Variants in HS6ST2 observed in about 807,000 individuals in gnomAD.
The protein encoded by HS6ST2 is heparan-sulfate 6-O-sulfotransferase 2.
HS6ST2 carries 17 observed loss-of-function variants against 33.0 expected under a neutral mutation model. The observed-to-expected ratio is 0.52, with a 90% CI of 0.35 to 0.77. The LOEUF is 0.77. Among genes scored for constraint, HS6ST2 ranks in the 30% least tolerant of loss-of-function variants. The pLI, the probability that HS6ST2 is intolerant of heterozygous loss-of-function variation, is 0.01. For missense variants in HS6ST2, 519 were observed against 551.7 expected (o/e 0.94, Z 0.59); for synonymous variants, 248 against 237.1 (o/e 1.05, Z -0.42).
intron 2 of HS6ST2, among the ~76,000 whole-genome samples, chrX:132,729,249 G>A (rs1228834635): frequency 2.7e-5 from 3 of 112,303 alleles, no homozygotes; most frequent in Admixed American, 9.4e-5. Flanking sequence ...TTTAGAAGCA[G>A]ACTCCTTTTT....
chrX:132,844,935 TATTCATCACTGGAAAACTGGAG>T (rs2065738070), intron 2 of HS6ST2, among the ~76,000 whole-genome samples: 1 of 109,684 alleles, frequency 9.1e-6, no homozygotes, highest in Admixed American at 9.8e-5. Flanking sequence ...TTTCCAACTT[TATTCATCACTGGAAAACTGGAG>T]TTTTCCAGTG....
At chrX:132,833,956 T>C (rs1038211439) in intron 2 of HS6ST2, among the ~76,000 whole-genome samples, 2 of 110,699 alleles carry the variant, frequency 1.8e-5, no homozygotes, top group African/African-American at 6.6e-5. Flanking sequence ...ACTGAGCATT[T>C]ACATGCTGTT....
chrX:132,836,656 C>T (rs1186299844), intron 2 of HS6ST2, among the ~76,000 whole-genome samples: 1 of 112,905 alleles, frequency 8.9e-6, no homozygotes, highest in Non-Finnish European at 1.9e-5. Flanking sequence ...CAGTAAATTG[C>T]TTGAAGGAAG....
intron 4 of HS6ST2, among the ~76,000 whole-genome samples, chrX:132,643,509 A>G (rs754157379): frequency 1.8e-5 from 2 of 112,188 alleles, no homozygotes; most frequent in South Asian, 7.6e-4. Flanking sequence ...TTCATAGAGT[A>G]GATGGTTTGG....
intron 4 of HS6ST2, among the ~76,000 whole-genome samples, chrX:132,656,542 G>C (rs1490862737): frequency 9.0e-6 from 1 of 111,492 alleles, no homozygotes; most frequent in East Asian, 2.8e-4. Context: ...TGAGATTTTA[G>C]TGCACCCATC....
chrX:132,637,875 AAT>A (rs1491329153), intron 4 of HS6ST2, among the ~76,000 whole-genome samples: 610 of 37,015 alleles, frequency 0.016, 13 homozygotes, highest in African/African-American at 0.06. Context: ...TATTATATAT[AAT>A]ATATATATAA....
chrX:132,740,427 A>C (rs1165549046), intron 2 of HS6ST2, among the ~76,000 whole-genome samples: 2 of 111,556 alleles, frequency 1.8e-5, no homozygotes, highest in Admixed American at 9.6e-5. Flanking sequence ...GAACCCCATC[A>C]GTTCCTAGAG....
At chrX:132,772,550 TA>T (rs1252682832) in intron 2 of HS6ST2, among the ~76,000 whole-genome samples, 6 of 104,831 alleles carry the variant, frequency 5.7e-5, no homozygotes, top group African/African-American at 2.0e-4. Context: ...TTGTATGCAA[TA>T]TAATTATATT....
At chrX:132,914,169 C>T (rs2066562689) in intron 2 of HS6ST2, among the ~76,000 whole-genome samples, 1 of 112,465 alleles carries the variant, frequency 8.9e-6, no homozygotes, top group Admixed American at 9.4e-5. Flanking sequence ...TCTGTTTAAC[C>T]CATTCTGCTC....
intron 2 of HS6ST2, among the ~76,000 whole-genome samples, chrX:132,779,293 G>T (rs1248646260): frequency 8.9e-6 from 1 of 111,931 alleles, no homozygotes; most frequent in Admixed American, 9.5e-5. Flanking sequence ...TCTAGTAAGT[G>T]AAGCTGCTCT....
intron 2 of HS6ST2, among the ~76,000 whole-genome samples, chrX:132,908,836 C>T (rs1271749996): frequency 9.1e-6 from 1 of 109,962 alleles, no homozygotes; most frequent in Non-Finnish European, 1.9e-5. Context: ...ATACTAAAAA[C>T]CACTGAATTT....
chrX:132,935,920 A>G (rs2148490575), intron 2 of HS6ST2, among the ~76,000 whole-genome samples: 1 of 109,590 alleles, frequency 9.1e-6, no homozygotes, highest in African/African-American at 3.3e-5. Context: ...AATCACTAAT[A>G]TAACTTTATA....
At chrX:132,945,961 G>A (rs2066949541) in intron 2 of HS6ST2, among the ~76,000 whole-genome samples, 1 of 110,901 alleles carries the variant, frequency 9.0e-6, no homozygotes. Context: ...TAACAAACCT[G>A]CACGTTGTGC....
intron 2 of HS6ST2, among the ~76,000 whole-genome samples, chrX:132,795,914 C>G (rs2065174065): frequency 9.0e-6 from 1 of 111,684 alleles, no homozygotes; most frequent in African/African-American, 3.3e-5. Context: ...CAGCCTCAGA[C>G]AGAACTTTAA....
intron 2 of HS6ST2, among the ~76,000 whole-genome samples, chrX:132,741,041 A>G (rs1312061834): frequency 8.9e-6 from 1 of 111,803 alleles, no homozygotes; most frequent in Non-Finnish European, 1.9e-5. Flanking sequence ...AAAAGGCAAA[A>G]TTACCTACTT....
At chrX:132,795,489 C>T (rs932308770) in intron 2 of HS6ST2, among the ~76,000 whole-genome samples, 1 of 112,026 alleles carries the variant, frequency 8.9e-6, no homozygotes, top group African/African-American at 3.2e-5. Context: ...GAGCCACAGC[C>T]GACGTGCTCA....
intron 2 of HS6ST2, chrX:132,708,709 G>T (rs1285102714): frequency 3.0e-6 from 1 of 337,216 alleles, no homozygotes; most frequent in Non-Finnish European, 5.2e-6. Flanking sequence ...GGGCAAGGCT[G>T]CACTGAGAGC....
intron 2 of HS6ST2, among the ~76,000 whole-genome samples, chrX:132,863,731 G>C (rs1800472719): frequency 9.0e-6 from 1 of 111,065 alleles, no homozygotes; most frequent in African/African-American, 3.3e-5. Context: ...CTTAATCAAG[G>C]GAGTTTCTAC....
intron 2 of HS6ST2, among the ~76,000 whole-genome samples, chrX:132,709,652 A>G (rs2064214351): frequency 9.0e-6 from 1 of 110,593 alleles, no homozygotes; most frequent in Admixed American, 9.7e-5. Context: ...CCAGAGCCCA[A>G]TGTGCTCGTC....
Sources: allele counts gnomAD v4.1 joint callset (sites outside exome capture counted in the v4.1 genomes callset), GRCh38; gene constraint gnomAD v4.1.1; transcripts MANE v1.5; gene names NCBI Gene and HGNC (gene_info 2026-07-23, HGNC 2026-07-21).